Variants in TBC1D13 observed in about 807,000 individuals in gnomAD.
The protein encoded by TBC1D13 is TBC1 domain family member 13.
In TBC1D13, 40 loss-of-function variants were observed where a neutral mutation model predicts 53.6. The ratio of observed to expected loss-of-function variants is 0.75; its 90% CI spans 0.58 to 0.97. The LOEUF (loss-of-function observed/expected upper bound fraction) is 0.97. TBC1D13 is among the 50% of genes least tolerant of loss of function. TBC1D13 has a pLI of 0.00. For synonymous variants in TBC1D13, 182 were observed against 197.7 expected, an observed-to-expected ratio of 0.92 and a Z score of 0.67; for missense variants, 377 against 499.4, an observed-to-expected ratio of 0.75 and a Z score of 2.34.
At chr9:128,798,245 C>A (rs1247215714) in intron 7 of TBC1D13, among the ~76,000 whole-genome samples, 1 of 150,422 alleles carries the variant, frequency 6.6e-6, no homozygotes, top group Admixed American at 6.6e-5. Flanking sequence ...AAAACGAGAC[C>A]CTGTCAAAAA....
chr9:128,805,646 A>G (rs1481158893), intron 9 of TBC1D13, among the ~76,000 whole-genome samples: 2 of 152,214 alleles, frequency 1.3e-5, no homozygotes, highest in African/African-American at 2.4e-5. Flanking sequence ...TTCTCTTTAA[A>G]AAATAGGAAG....
chr9:128,806,328 G>T lies in TBC1D13; in HGVS notation c.1137+17G>T. The T allele has an allele frequency of 6.2e-7, 1 of 1,613,670 alleles. No homozygotes were observed. The highest frequency in any genetic ancestry group is 8.5e-7 in the Non-Finnish European group (1 of 1,179,784). On this transcript the variant is annotated intron_variant, in intron 11 of 11. Transcript: ENST00000372648. Reference sequence around the variant, plus strand: ...CTGCTGCAGGTAATGGGAGTTGGGGGCAGGCTCAGCCACTGCCATGAGGCT... The same window carrying T: ...CTGCTGCAGGTAATGGGAGTTGGGGTCAGGCTCAGCCACTGCCATGAGGCT...
In TBC1D13 at chr9:128,808,809, A is replaced by T. The variant is rs1829893250; in HGVS notation, c.*930A>T. The T allele has an allele frequency of 6.6e-6, 1 of 152,062 alleles. No homozygotes were observed. The highest frequency in any genetic ancestry group is 1.5e-5 in the Non-Finnish European group (1 of 68,072). The allele number at this position is 152,062 out of a possible 1,614,324, so 9.4% of individuals were successfully genotyped here. On this transcript the variant is annotated 3_prime_UTR_variant, in exon 12 of 12. Coordinates refer to ENST00000372648, the MANE Select transcript of TBC1D13 (RefSeq NM_018201.5). Reference sequence around the variant, plus strand: ...CCGTGCCTCACTTAGAGGGTTCTGAACCCGTTCCCTACACAGAAATCTTGG... The same window carrying T: ...CCGTGCCTCACTTAGAGGGTTCTGATCCCGTTCCCTACACAGAAATCTTGG...
At chr9:128,805,052 T>C (rs2132553392) in intron 9 of TBC1D13, among the ~76,000 whole-genome samples, 1 of 152,252 alleles carries the variant, frequency 6.6e-6, no homozygotes, top group South Asian at 2.1e-4. Flanking sequence ...GATATCTTTT[T>C]AAACAAATAT....
intron 2 of TBC1D13, among the ~76,000 whole-genome samples, chr9:128,789,552 C>T (rs1257106818): frequency 2.6e-5 from 4 of 151,802 alleles, no homozygotes; most frequent in African/African-American, 9.7e-5. Flanking sequence ...GATAAGTTTC[C>T]TTCTTACGAC....
At chr9:128,791,006 C>T (rs547020956) in intron 3 of TBC1D13, among the ~76,000 whole-genome samples, 145 of 152,284 alleles carry the variant, frequency 9.5e-4, no homozygotes, top group African/African-American at 3.4e-3. Flanking sequence ...CTTCCTGGTC[C>T]GTGAAGTACA....
At chr9:128,793,843 C>G (rs1163288222) in intron 6 of TBC1D13, among the ~76,000 whole-genome samples, 1 of 152,190 alleles carries the variant, frequency 6.6e-6, no homozygotes, top group Middle Eastern at 3.2e-3. Context: ...AGACAGGTGC[C>G]CCTCCATTCA....
intron 6 of TBC1D13, among the ~76,000 whole-genome samples, chr9:128,796,324 A>C (rs955696707): frequency 6.6e-6 from 1 of 151,530 alleles, no homozygotes; most frequent in Non-Finnish European, 1.5e-5. Flanking sequence ...ATCTCGGCTC[A>C]CTGCAACCTC....
At chr9:128,795,621 C>A (rs1385664675) in intron 6 of TBC1D13, among the ~76,000 whole-genome samples, 1 of 151,998 alleles carries the variant, frequency 6.6e-6, no homozygotes, top group African/African-American at 2.4e-5. Flanking sequence ...ACACCACACC[C>A]AGCTAATTTT....
In TBC1D13 at chr9:128,791,424, C is replaced by T; in HGVS notation, c.183C>T (p.Ser61=). The T allele has an allele frequency of 6.2e-7, 1 of 1,614,186 alleles. No homozygotes were observed. ...CCTTGGAGAGAGCCTCATGGACCTC[C>T]ATCCTGGCCAAGCAGAGGTGAGACC... ...YLPLERASWT[S]ILAKQRELYA... Residue 61 remains serine, a synonymous_variant, in exon 4 of 12, where the codon TCC becomes TCT. Transcript: ENST00000372648.
chr9:128,791,336 G>T lies in TBC1D13; in HGVS notation c.139-44G>T, dbSNP rs1410540525. 3 of 1,581,778 alleles carry T rather than the reference G, an allele frequency of 1.9e-6. No individual in the cohort carries two copies. The South Asian group carries it at 3.3e-5, about 17-fold the overall frequency. Reference sequence around the variant, plus strand: ...CATCCCCGCCTAAAGACTGACGTTGGTGCAGGAGGGTCACCAGAGCTTTGC... The same window carrying T: ...CATCCCCGCCTAAAGACTGACGTTGTTGCAGGAGGGTCACCAGAGCTTTGC... On this transcript the variant is annotated intron_variant, in intron 3 of 11. Transcript: ENST00000372648.
intron 2 of TBC1D13, among the ~76,000 whole-genome samples, chr9:128,788,777 G>T (rs1237892841): frequency 1.3e-5 from 2 of 152,156 alleles, no homozygotes; most frequent in African/African-American, 2.4e-5. Context: ...AGCTTCCTGT[G>T]TTGGTGAGTT....
At chr9:128,788,083 T>C (rs574888457) in intron 1 of TBC1D13, among the ~76,000 whole-genome samples, 1 of 152,360 alleles carries the variant, frequency 6.6e-6, no homozygotes, top group East Asian at 1.9e-4. Context: ...TGGGAACTTC[T>C]AGACAAGAAT....
At chr9:128,795,719 C>G (rs1363452136) in intron 6 of TBC1D13, among the ~76,000 whole-genome samples, 1 of 151,862 alleles carries the variant, frequency 6.6e-6, no homozygotes, top group Admixed American at 6.6e-5. Context: ...CTTGGCCTCC[C>G]AAAGTGCTGG....
chr9:128,805,822 A>G, intron 9 of TBC1D13, 37 bp from the exon 10 acceptor site: 1 of 1,599,132 alleles, frequency 6.3e-7, no homozygotes, highest in South Asian at 1.1e-5. Flanking sequence ...CAGCCAACAC[A>G]GAGTCATGCC....
At position 128,808,653 on chromosome 9, in the gene TBC1D13, G is replaced by GC. The variant is rs1829890636; in HGVS notation, c.*775dup. The GC allele has an allele frequency of 6.6e-6, 1 of 152,546 alleles. No individual in the cohort carries two copies. Among genetic ancestry groups the GC allele is most frequent in the African/African-American group, 2.4e-5 (1 of 41,386 alleles). 9.4% of individuals were successfully genotyped at this position (152,546 alleles called of 1,614,324 possible). ...CCACCTCCTCTCCCCGCTTGCCTCT[G>GC]CTCCCCTGAACCTGGGAGACAGATG... On this transcript the variant is annotated 3_prime_UTR_variant, in exon 12 of 12. Coordinates refer to ENST00000372648, the MANE Select transcript of TBC1D13 (RefSeq NM_018201.5).
At position 128,804,071 on chromosome 9, in the gene TBC1D13, G is replaced by A; in HGVS notation, c.870G>A (p.Lys290=). 2 of 1,614,120 alleles carry A rather than the reference G, an allele frequency of 1.2e-6. No individual in the cohort carries two copies. The highest frequency in any genetic ancestry group is 1.1e-5 in the South Asian group (1 of 91,078). Reference sequence around the variant, plus strand: ...GTGGCATCACCTACAAGATGGAGAAGGTTTACTCCACCTTGAAAGATAAGG... The same window carrying A: ...GTGGCATCACCTACAAGATGGAGAAAGTTTACTCCACCTTGAAAGATAAGG... The part of the protein sequence containing the change: ...SQCGITYKME[K]VYSTLKDKDV... Residue 290 remains lysine, a synonymous_variant, in exon 9 of 12, where the codon AAG becomes AAA. Transcript: ENST00000372648.
chr9:128,806,267 C>G lies in TBC1D13; in HGVS notation c.1093C>G (p.Gln365Glu). The change falls in exon 11 of 12, where the codon CAG (glutamine) becomes GAG (glutamate). Residue 365 changes from glutamine to glutamate, a missense_variant. Coordinates refer to ENST00000372648, the MANE Select transcript of TBC1D13 (RefSeq NM_018201.5). ...CCAMLMLIRE[Q>E]LLEGDFTVNM... The stretch of plus-strand genomic sequence containing the variant: ...TGCTTTTCATAGGCTGATCCGGGAG[C>G]AGTTGCTGGAAGGGGACTTCACTGT... The G allele has an allele frequency of 6.2e-7, 1 of 1,614,138 alleles. No homozygotes were observed. The highest frequency in any genetic ancestry group is 8.5e-7 in the Non-Finnish European group (1 of 1,180,050).
intron 8 of TBC1D13, among the ~76,000 whole-genome samples, 154 bp downstream of exon 8, chr9:128,803,614 G>A (rs1454154804): frequency 1.3e-5 from 2 of 152,196 alleles, no homozygotes; most frequent in Non-Finnish European, 2.9e-5. Context: ...CTTCTAGAAT[G>A]TTGGTTGTTT....
Sources: gnomAD v4.1 joint callset for allele counts (sites outside exome capture counted in the v4.1 genomes callset) on GRCh38, gnomAD v4.1.1 for gene constraint, MANE v1.5 for transcripts, NCBI Gene and HGNC (gene_info 2026-07-23, HGNC 2026-07-21) for gene names.